PRKN: variants seen among roughly 807,000 people sequenced by gnomAD.
PRKN encodes the protein E3 ubiquitin-protein ligase parkin.
PRKN carries 56 observed loss-of-function variants against 59.5 expected under a neutral mutation model. That is an observed-to-expected ratio of 0.94 (90% CI 0.76 to 1.18). The LOEUF (loss-of-function observed/expected upper bound fraction) is 1.18, where lower values mean the gene tolerates loss of function less well. Among genes scored for constraint, PRKN ranks in the 50% most tolerant of loss-of-function variants. PRKN has a pLI of 0.00. For missense variants in PRKN, 657 were observed against 596.4 expected (o/e 1.10, Z -1.06); for synonymous variants, 250 against 222.1 (o/e 1.13, Z -1.12).
At chr6:162,173,452 C>T (rs1163465259) in intron 4 of PRKN, among the ~76,000 whole-genome samples, 6 of 151,968 alleles carry the variant, frequency 3.9e-5, no homozygotes, top group Non-Finnish European at 8.8e-5. Flanking sequence ...ACGAAGCCTT[C>T]CTTGGTGTTG....
At position 161,926,970 on chromosome 6, in the gene PRKN, T is replaced by C. The variant is rs77860798; in HGVS notation, c.734+46332A>G. 6.7e-4 allele frequency among the ~76,000 whole-genome samples: 102 copies of C among 152,294 alleles called. No individual in the cohort carries two copies. The East Asian group carries it at 0.018, about 27-fold the overall frequency. ...TTTTAAAAGACAATAAGTTACATTT[T>C]GATAAACAAGGCTCAGATAAATGAG... is the stretch of plus-strand genomic sequence containing the variant. On this transcript the variant is annotated intron_variant, in intron 6 of 11. Coordinates refer to ENST00000366898, the MANE Select transcript of PRKN (RefSeq NM_004562.3).
chr6:161,805,493 C>T (rs149558647), intron 6 of PRKN, among the ~76,000 whole-genome samples: 4 of 145,764 alleles, frequency 2.7e-5, no homozygotes, highest in Admixed American at 6.8e-5. Context: ...CATGTACACA[C>T]ACATGTACAC....
intron 9 of PRKN, among the ~76,000 whole-genome samples, chr6:161,387,237 G>C (rs1411847412): frequency 6.6e-6 from 1 of 152,172 alleles, no homozygotes; most frequent in African/African-American, 2.4e-5. Flanking sequence ...GACCTGGTGG[G>C]AGGTAATTGA....
At chr6:162,013,406 G>A (rs1007060128) in intron 5 of PRKN, among the ~76,000 whole-genome samples, 4 of 151,724 alleles carry the variant, frequency 2.6e-5, no homozygotes, top group African/African-American at 7.3e-5. Context: ...ATACTTTTCC[G>A]GCTCCAACCC....
intron 3 of PRKN, among the ~76,000 whole-genome samples, chr6:162,219,439 A>G (rs1777839688): frequency 6.6e-6 from 1 of 152,268 alleles, no homozygotes; most frequent in South Asian, 2.1e-4. Flanking sequence ...TAAACTGCAT[A>G]TTACAAACTC....
At chr6:161,655,332 AC>A (rs1324265092) in intron 7 of PRKN, among the ~76,000 whole-genome samples, 1 of 151,154 alleles carries the variant, frequency 6.6e-6, no homozygotes, top group Non-Finnish European at 1.5e-5. Flanking sequence ...TCCTGGGCCC[AC>A]CCAGGCTCTC....
At chr6:161,489,685 T>C (rs1777474375) in intron 9 of PRKN, among the ~76,000 whole-genome samples, 1 of 152,166 alleles carries the variant, frequency 6.6e-6, no homozygotes, top group African/African-American at 2.4e-5. Flanking sequence ...AATACATGAA[T>C]TATTTATGCA....
At chr6:161,366,770 G>C (rs1429222911) in intron 10 of PRKN, among the ~76,000 whole-genome samples, 1 of 151,828 alleles carries the variant, frequency 6.6e-6, no homozygotes, top group African/African-American at 2.4e-5. Flanking sequence ...AACCAGCCCG[G>C]GTGTTTCTGT....
At position 161,579,572 on chromosome 6, in the gene PRKN, A is replaced by G. The variant is rs555490607; in HGVS notation, c.872-10156T>C. Among the ~76,000 whole-genome samples, 1 of 152,292 alleles carries G rather than the reference A, an allele frequency of 6.6e-6. No homozygotes were observed. The highest frequency in any genetic ancestry group is 1.9e-4 in the East Asian group (1 of 5,180). Reference sequence around the variant, plus strand: ...TGTAGGGCATGTTCCTGAATAGGGCATATTCAGGCACTATTAAGTTTGGGA... The same window carrying G: ...TGTAGGGCATGTTCCTGAATAGGGCGTATTCAGGCACTATTAAGTTTGGGA... On this transcript the variant is annotated intron_variant, in intron 7 of 11. Coordinates refer to ENST00000366898, the MANE Select transcript of PRKN (RefSeq NM_004562.3). This position sits in a 1 kb window ranked among gnomAD's most constrained non-coding sequence, Gnocchi z 4.2.
At position 162,305,488 on chromosome 6, in the gene PRKN, G is replaced by A. The variant is rs1782179546; in HGVS notation, c.172-42723C>T. ...TGTCCAGTTGTTTTTACTTCTTGCT[G>A]GGTCAGAGTATAATTCTTGAACGAG... On this transcript the variant is annotated intron_variant, in intron 2 of 11. Transcript: ENST00000366898. Among the ~76,000 whole-genome samples the A allele has an allele frequency of 2.6e-5, 4 of 152,038 alleles. No individual in the cohort carries two copies. In the South Asian group the frequency reaches 8.3e-4, roughly 32 times the overall value.
At chr6:162,184,681 T>C (rs1050516437) in intron 4 of PRKN, among the ~76,000 whole-genome samples, 2 of 152,258 alleles carry the variant, frequency 1.3e-5, no homozygotes, top group South Asian at 4.1e-4. Context: ...TCTCCGGTAT[T>C]TCTTCATAGC....
chr6:162,171,028 A>G (rs934605606), intron 4 of PRKN, among the ~76,000 whole-genome samples: 1 of 152,102 alleles, frequency 6.6e-6, no homozygotes, highest in African/African-American at 2.4e-5. Flanking sequence ...TAGATACTGG[A>G]GATTTTCATG....
At chr6:162,721,773 G>C (rs1177361639) in intron 1 of PRKN, among the ~76,000 whole-genome samples, 2 of 152,170 alleles carry the variant, frequency 1.3e-5, no homozygotes, top group African/African-American at 4.8e-5. Context: ...AATGTTGGCT[G>C]ACTCTAAAGG....
At chr6:162,113,385 A>T (rs1352268955) in intron 4 of PRKN, among the ~76,000 whole-genome samples, 4 of 152,214 alleles carry the variant, frequency 2.6e-5, no homozygotes, top group South Asian at 4.1e-4. Flanking sequence ...TAAAGTCAAC[A>T]TTATGATCCA....
At chr6:162,096,848 ATTTTTTTTTTTTTTTT>A (rs71004079) in intron 4 of PRKN, among the ~76,000 whole-genome samples, 35 of 49,214 alleles carry the variant, frequency 7.1e-4, no homozygotes, top group African/African-American at 2.7e-3. Context: ...TACAGCTGGA[ATTTTTTTTTTTTTTTT>A]TTTTTTTTTT....
At chr6:162,120,115 T>G (rs1562525182) in intron 4 of PRKN, among the ~76,000 whole-genome samples, 1 of 152,124 alleles carries the variant, frequency 6.6e-6, no homozygotes, top group Non-Finnish European at 1.5e-5. Flanking sequence ...CTTCTCAGGC[T>G]CCAGTGATCC....
Position 162,404,439 on chromosome 6 carries a change from T to C in PRKN, c.171+38871A>G, listed in dbSNP as rs185863024. 8.3e-4 allele frequency among the ~76,000 whole-genome samples: 126 copies of C among 152,140 alleles called. 1 individual carries two copies. The highest frequency in any genetic ancestry group is 3.0e-3 in the African/African-American group (124 of 41,514). On this transcript the variant is annotated intron_variant, in intron 2 of 11. Transcript: ENST00000366898. ...TTTTCCTCATTAGCAAAGAGCTCAG[T>C]GCTTCCTCCAAAAGGATATTGGGTC...
At chr6:162,566,069 C>T (rs921626950) in intron 1 of PRKN, among the ~76,000 whole-genome samples, 3 of 151,912 alleles carry the variant, frequency 2.0e-5, no homozygotes, top group African/African-American at 7.3e-5. Context: ...CACTGGAGCA[C>T]CCAGATATAT....
chr6:162,025,200 A>G (rs1783382428), intron 5 of PRKN, among the ~76,000 whole-genome samples: 1 of 151,912 alleles, frequency 6.6e-6, no homozygotes. Context: ...TATTTTTAGT[A>G]GAGACGGGGT....
Sources: allele counts gnomAD v4.1 joint callset (sites outside exome capture counted in the v4.1 genomes callset), GRCh38; gene constraint gnomAD v4.1.1; non-coding constraint Gnocchi (gnomAD v3.1); transcripts MANE v1.5; gene names NCBI Gene and HGNC (gene_info 2026-07-23, HGNC 2026-07-21).